Variants in GPC6 observed in about 807,000 individuals in gnomAD.
GPC6 encodes the protein glypican 6, also known as glypican-6.
In GPC6, 14 loss-of-function variants were observed where a neutral mutation model predicts 55.2. The observed-to-expected ratio is 0.25, with a 90% CI of 0.17 to 0.40. GPC6 has a LOEUF of 0.40. Among genes scored for constraint, GPC6 ranks in the 10% least tolerant of loss-of-function variants. GPC6 has a pLI of 1.00. For missense variants in GPC6, 641 were observed against 708.5 expected (o/e 0.90, Z 1.08); for synonymous variants, 278 against 259.6 (o/e 1.07, Z -0.68).
intron 3 of GPC6, among the ~76,000 whole-genome samples, chr13:93,892,218 T>G (rs1340366105): frequency 1.3e-5 from 2 of 152,128 alleles, no homozygotes; most frequent in African/African-American, 4.8e-5. Flanking sequence ...AGCATATCTG[T>G]AAGTCACACT....
the GPC6 span, among the ~76,000 whole-genome samples, chr13:93,221,546 A>C: frequency 9.9e-5 from 15 of 152,180 alleles, no homozygotes; most frequent in African/African-American, 2.4e-4. Context: ...CTAAAGATAT[A>C]ATTTTAATTG....
chr13:93,364,044 C>T (rs1280538449), intron 1 of GPC6, among the ~76,000 whole-genome samples: 1 of 152,040 alleles, frequency 6.6e-6, no homozygotes, highest in African/African-American at 2.4e-5. Context: ...AGCCCTTTGT[C>T]AGATGAGTAG....
chr13:94,138,202 T>G (rs1476351503), intron 4 of GPC6, among the ~76,000 whole-genome samples: 1 of 152,166 alleles, frequency 6.6e-6, no homozygotes, highest in African/African-American at 2.4e-5. Flanking sequence ...GGATTAGGGA[T>G]GCTCAACCAT....
At chr13:94,211,089 T>C (rs192511128) in intron 4 of GPC6, among the ~76,000 whole-genome samples, 1 of 152,344 alleles carries the variant, frequency 6.6e-6, no homozygotes, top group Admixed American at 6.5e-5. Flanking sequence ...GATGTTCAAC[T>C]TTCCTTCCTA....
chr13:93,958,445 A>T (rs1879612482), intron 3 of GPC6, among the ~76,000 whole-genome samples: 1 of 152,146 alleles, frequency 6.6e-6, no homozygotes, highest in South Asian at 2.1e-4. Context: ...CCATCTATTG[A>T]GTAGGGAGTC....
intron 1 of GPC6, among the ~76,000 whole-genome samples, chr13:93,297,673 C>A (rs7987881): frequency 6.6e-6 from 1 of 151,974 alleles, no homozygotes; most frequent in Admixed American, 6.6e-5. Flanking sequence ...CACCCTCCCC[C>A]CTTCACCTCA....
intron 4 of GPC6, among the ~76,000 whole-genome samples, chr13:94,093,358 T>C (rs139520162): frequency 1.8e-3 from 271 of 152,274 alleles, no homozygotes; most frequent in African/African-American, 6.3e-3. Context: ...TTATTGAAGA[T>C]ACTTTCCTTT....
intron 4 of GPC6, among the ~76,000 whole-genome samples, chr13:94,119,369 A>G (rs1206342228): frequency 6.6e-6 from 1 of 151,836 alleles, no homozygotes; most frequent in Non-Finnish European, 1.5e-5. Context: ...GGGGTAGGGG[A>G]TGTTTGCTCC....
intron 2 of GPC6, among the ~76,000 whole-genome samples, chr13:93,656,718 A>G (rs998608668): frequency 1.9e-4 from 29 of 152,180 alleles, no homozygotes; most frequent in African/African-American, 4.8e-4. Flanking sequence ...GGGTTTTAAA[A>G]AATCATTTTT....
At chr13:93,395,173 G>T in intron 1 of GPC6, 1 of 285,354 alleles carries the variant, frequency 3.5e-6, no homozygotes. Flanking sequence ...CACCACTATG[G>T]CTACCATCAA....
At chr13:93,643,694 G>C (rs2139589578) in intron 2 of GPC6, among the ~76,000 whole-genome samples, 1 of 152,210 alleles carries the variant, frequency 6.6e-6, no homozygotes, top group East Asian at 1.9e-4. Context: ...AAGAATGTCT[G>C]TTTATTTGTC....
intron 2 of GPC6, among the ~76,000 whole-genome samples, chr13:93,730,799 A>G (rs1452371917): frequency 6.6e-6 from 1 of 152,180 alleles, no homozygotes; most frequent in Non-Finnish European, 1.5e-5. Flanking sequence ...CAGCCTTCAA[A>G]CCTTGTCCTC....
chr13:93,388,016 A>G (rs1875471427), intron 1 of GPC6, among the ~76,000 whole-genome samples: 2 of 152,164 alleles, frequency 1.3e-5, no homozygotes, highest in Admixed American at 1.3e-4. Flanking sequence ...ATGGGGCAGG[A>G]ATTCTGCCAA....
Position 93,847,254 on chromosome 13 carries a change from C to T in GPC6, c.711+16709C>T, listed in dbSNP as rs1050250778. Among the ~76,000 whole-genome samples, 6 of 152,088 alleles carry T rather than the reference C, an allele frequency of 3.9e-5. No individual in the cohort carries two copies. In the East Asian group the frequency reaches 7.8e-4, roughly 20 times the overall value. ...GTCGGCTCTGGGGAAGTGGAGGAGA[C>T]GCATTAATACAGGAGGTGGCACGTG... On this transcript the variant is annotated intron_variant, in intron 3 of 8. Transcript: ENST00000377047.
chr13:93,786,593 A>C (rs766127512), intron 2 of GPC6, among the ~76,000 whole-genome samples: 62 of 152,124 alleles, frequency 4.1e-4, no homozygotes, highest in Non-Finnish European at 7.6e-4. Context: ...GAAAAAAAAA[A>C]AACCATTTTT....
At chr13:93,828,705 T>C (rs570376908) in intron 2 of GPC6, among the ~76,000 whole-genome samples, 314 of 152,252 alleles carry the variant, frequency 2.1e-3, no homozygotes, top group African/African-American at 7.1e-3. Flanking sequence ...CAACAGAATG[T>C]CTATTTAAAA....
chr13:94,202,266 A>G (rs574466327), intron 4 of GPC6, among the ~76,000 whole-genome samples: 2 of 152,334 alleles, frequency 1.3e-5, no homozygotes, highest in South Asian at 4.1e-4. Flanking sequence ...TTCACTAAAT[A>G]AAAAGATGTG....
At chr13:93,515,984 T>C (rs1428379881) in intron 1 of GPC6, among the ~76,000 whole-genome samples, 1 of 152,134 alleles carries the variant, frequency 6.6e-6, no homozygotes, top group African/African-American at 2.4e-5. Context: ...TCCTAAAAAA[T>C]TCCCAAGGTA....
At chr13:93,356,580 A>C (rs1880856582) in intron 1 of GPC6, among the ~76,000 whole-genome samples, 1 of 152,178 alleles carries the variant, frequency 6.6e-6, no homozygotes, top group Non-Finnish European at 1.5e-5. Flanking sequence ...GCACAAACAT[A>C]TTTTATGTCC....
Sources: allele counts gnomAD v4.1 joint callset (sites outside exome capture counted in the v4.1 genomes callset), GRCh38; gene constraint gnomAD v4.1.1; transcripts MANE v1.5; gene names NCBI Gene and HGNC (gene_info 2026-07-23, HGNC 2026-07-21).